The following GLIS3 variants were observed in gnomAD, a reference collection of about 807,000 sequenced individuals.
GLIS3 encodes the protein zinc finger protein GLIS3.
In GLIS3, 53 loss-of-function variants were observed where a neutral mutation model predicts 78.6. That is an observed-to-expected ratio of 0.67 (90% CI 0.54 to 0.85). The LOEUF is 0.85. GLIS3 is among the 40% of genes least tolerant of loss of function. The probability of loss-of-function intolerance (pLI) is 0.00; values close to 1 mark genes in which losing one functional copy is unlikely to be tolerated. For synonymous variants in GLIS3, 684 were observed against 509.9 expected (o/e 1.34, Z -4.60); for missense variants, 1,703 against 1,231.1 (o/e 1.38, Z -5.74).
At chr9:4,451,175 C>CA in the GLIS3 span, among the ~76,000 whole-genome samples, 1,670 of 151,032 alleles carry the variant, frequency 0.011, 25 homozygotes, top group African/African-American at 0.039. Flanking sequence ...AAATGGAAAG[C>CA]AAAAAAAAGC....
intron 2 of GLIS3, among the ~76,000 whole-genome samples, chr9:4,128,998 T>C (rs956458087): frequency 6.6e-6 from 1 of 152,200 alleles, no homozygotes; most frequent in Non-Finnish European, 1.5e-5. Context: ...TGAAAATTAA[T>C]GGTGAACTTC....
In GLIS3 at chr9:3,827,803, G is replaced by T. The variant is rs1563752361; in HGVS notation, c.*469C>A. On this transcript the variant is annotated 3_prime_UTR_variant, in exon 11 of 11. Coordinates refer to ENST00000381971, the MANE Select transcript of GLIS3 (RefSeq NM_001042413.2). ...GAGACCACACTATGCTTTGGACATG[G>T]ATTTCCCTTGTTGTGCCTGGCTTTG... The T allele has an allele frequency of 4.4e-6, 1 of 229,386 alleles. No homozygotes were observed. Among genetic ancestry groups the T allele is most frequent in the Non-Finnish European group, 8.7e-6 (1 of 114,958 alleles). The allele number at this position is 229,386 out of a possible 1,614,324, so 14.2% of individuals were successfully genotyped here.
chr9:4,106,382 T>G (rs542389286), intron 4 of GLIS3, among the ~76,000 whole-genome samples: 18 of 152,126 alleles, frequency 1.2e-4, no homozygotes, highest in African/African-American at 1.9e-4. Context: ...ACTTTAAACG[T>G]TTCTAAGAAG....
Position 4,220,635 on chromosome 9 carries a change from G to C in GLIS3, c.388+65403C>G, listed in dbSNP as rs192893039. 3.3e-5 allele frequency among the ~76,000 whole-genome samples: 5 copies of C among 152,170 alleles called. No homozygotes were observed. The East Asian group carries it at 9.6e-4, about 29-fold the overall frequency. On this transcript the variant is annotated intron_variant, in intron 2 of 10. Transcript: ENST00000381971. The stretch of plus-strand genomic sequence containing the variant: ...AAACTGGGCATACTGAGGCATGTCT[G>C]GAGTCCCAGCGACTCAGGAGGCTGA...
chr9:4,182,050 T>A (rs990881568), intron 2 of GLIS3, among the ~76,000 whole-genome samples: 18 of 152,220 alleles, frequency 1.2e-4, no homozygotes, highest in Admixed American at 5.9e-4. Flanking sequence ...AAGATGCAAA[T>A]GCATCCATTC....
chr9:4,221,538 G>A (rs2131332733), intron 2 of GLIS3, among the ~76,000 whole-genome samples: 1 of 152,024 alleles, frequency 6.6e-6, no homozygotes, highest in South Asian at 2.1e-4. Flanking sequence ...GAAGCAAGAG[G>A]CTTCGAAATT....
At chr9:4,217,198 A>G (rs1432344623) in intron 2 of GLIS3, among the ~76,000 whole-genome samples, 1 of 152,210 alleles carries the variant, frequency 6.6e-6, no homozygotes, top group African/African-American at 2.4e-5. Flanking sequence ...CCTAGCACCC[A>G]AAGAGGACTT....
intron 4 of GLIS3, among the ~76,000 whole-genome samples, chr9:3,976,870 G>GA (rs540976193): frequency 0.04 from 2,599 of 65,026 alleles, 41 homozygotes; most frequent in Middle Eastern, 0.074. Context: ...ATCTTTGGTG[G>GA]AAAAAAAAAA....
chr9:3,930,422 G>A (rs1213491779), intron 6 of GLIS3, among the ~76,000 whole-genome samples: 1 of 152,184 alleles, frequency 6.6e-6, no homozygotes, highest in African/African-American at 2.4e-5. Context: ...GTTAAAGGGT[G>A]TCTGCAAATT....
chr9:4,415,166 C>A, the GLIS3 span, among the ~76,000 whole-genome samples: 1 of 152,156 alleles, frequency 6.6e-6, no homozygotes, highest in East Asian at 1.9e-4. Context: ...AGGTGTAAAT[C>A]CATTGTGTAA....
At chr9:4,382,500 A>T in the GLIS3 span, among the ~76,000 whole-genome samples, 2 of 152,224 alleles carry the variant, frequency 1.3e-5, no homozygotes, top group South Asian at 4.2e-4. Flanking sequence ...CCTCACACAA[A>T]CATCATCTTG....
At chr9:3,958,440 C>T (rs1291995532) in intron 4 of GLIS3, among the ~76,000 whole-genome samples, 1 of 152,060 alleles carries the variant, frequency 6.6e-6, no homozygotes, top group African/African-American at 2.4e-5. Context: ...GCAATAATGC[C>T]CACAAGTAAT....
intron 4 of GLIS3, among the ~76,000 whole-genome samples, chr9:3,955,428 T>C (rs1053934693): frequency 1.3e-5 from 2 of 152,180 alleles, no homozygotes; most frequent in African/African-American, 2.4e-5. Flanking sequence ...GCAGACAGGA[T>C]GGAGGTGTCA....
chr9:4,427,790 C>T, the GLIS3 span, among the ~76,000 whole-genome samples: 2 of 151,440 alleles, frequency 1.3e-5, no homozygotes, highest in Non-Finnish European at 2.9e-5. Context: ...ATCCAGGAGG[C>T]GGAGGTTGCA....
At chr9:4,141,973 C>T (rs749600326) in intron 2 of GLIS3, among the ~76,000 whole-genome samples, 1 of 152,050 alleles carries the variant, frequency 6.6e-6, no homozygotes, top group Non-Finnish European at 1.5e-5. Flanking sequence ...GAGTTAGTAT[C>T]GAAGTAAATG....
chr9:3,847,891 C>T (rs1201856756), intron 9 of GLIS3, among the ~76,000 whole-genome samples: 2 of 152,102 alleles, frequency 1.3e-5, no homozygotes, highest in East Asian at 3.9e-4. Flanking sequence ...ACTGTGTAAG[C>T]GTTAATAACA....
chr9:4,269,795 T>A (rs1826341597), intron 2 of GLIS3, among the ~76,000 whole-genome samples: 1 of 152,134 alleles, frequency 6.6e-6, no homozygotes, highest in African/African-American at 2.4e-5. Flanking sequence ...AAAAAAATAG[T>A]GTTGTGAAGC....
chr9:4,147,871 A>G (rs879772427), intron 2 of GLIS3, among the ~76,000 whole-genome samples: 2 of 152,198 alleles, frequency 1.3e-5, no homozygotes, highest in Non-Finnish European at 2.9e-5. Context: ...TGTGTCTGAA[A>G]ATAGCTAACT....
At chr9:4,424,072 T>C in the GLIS3 span, among the ~76,000 whole-genome samples, 17 of 152,188 alleles carry the variant, frequency 1.1e-4, no homozygotes, top group Non-Finnish European at 1.6e-4. Flanking sequence ...AGCAAAGGGA[T>C]TTTGACAGAA....
Sources: allele counts gnomAD v4.1 joint callset (sites outside exome capture counted in the v4.1 genomes callset), GRCh38; gene constraint gnomAD v4.1.1; transcripts MANE v1.5; gene names NCBI Gene and HGNC (gene_info 2026-07-23, HGNC 2026-07-21).